Variants in SFXN1 observed in about 807,000 individuals in gnomAD.
SFXN1 encodes sideroflexin-1.
In SFXN1, 32 loss-of-function variants were observed where a neutral mutation model predicts 39.5. The observed-to-expected ratio is 0.81, with a 90% CI of 0.61 to 1.09. The LOEUF is 1.09. Among genes scored for constraint, SFXN1 ranks in the 50% least tolerant of loss-of-function variants. The pLI is 0.00. For synonymous variants in SFXN1, 136 were observed against 146.5 expected (o/e 0.93, Z 0.52); for missense variants, 402 against 407.1 (o/e 0.99, Z 0.11).
rs1208748673 is a variant in SFXN1, at chr5:175,529,521, C to T, written c.*2787C>T. 1.4e-5 allele frequency: 2 copies of T among 147,068 alleles called. No homozygotes were observed. The highest frequency in any genetic ancestry group is 2.4e-5 in the African/African-American group (1 of 40,902). The allele number at this position is 147,068 out of a possible 1,614,324, so 9.1% of individuals were successfully genotyped here. A position where few individuals can be genotyped will look rare whatever the true frequency, so the allele number is the denominator to read the frequency against. ...ATCCTTGCCGATCTTTTAGAAATAC[C>T]TTTTCTGGAGAAAAAAAAATCCACA... On this transcript the variant is annotated 3_prime_UTR_variant, in exon 11 of 11. Coordinates refer to ENST00000321442, the MANE Select transcript of SFXN1 (RefSeq NM_022754.7).
rs141984898 is a variant in SFXN1, at chr5:175,498,084, G to A, written c.164+5817G>A. On this transcript the variant is annotated intron_variant, in intron 2 of 10. Coordinates refer to ENST00000321442, the MANE Select transcript of SFXN1 (RefSeq NM_022754.7). Reference sequence around the variant, plus strand: ...AAAAATCACAAAGTAAAAACAATGAGAAATTAATGAGAAAATTAATTATTA... The same window carrying A: ...AAAAATCACAAAGTAAAAACAATGAAAAATTAATGAGAAAATTAATTATTA... 3.5e-3 allele frequency among the ~76,000 whole-genome samples: 531 copies of A among 151,358 alleles called. 2 individuals carry two copies. The highest frequency in any genetic ancestry group is 5.8e-3 in the Non-Finnish European group (395 of 67,894).
At chr5:175,493,190 C>T (rs267385) in intron 2 of SFXN1, among the ~76,000 whole-genome samples, 132,725 of 152,106 alleles carry the variant, frequency 0.87, 58,303 homozygotes, top group African/African-American at 0.97. Flanking sequence ...GAGGCAGAGC[C>T]GGCAGTGAGC....
chr5:175,524,156 ATATATATATATAT>A (rs1760987059), intron 10 of SFXN1: 1 of 115,950 alleles, frequency 8.6e-6, no homozygotes, highest in Non-Finnish European at 1.7e-5. Flanking sequence ...ATATATATAT[ATATATATATATAT>A]ATCTCCAATA....
rs156371 is a variant in SFXN1, at chr5:175,529,036, G to T, written c.*2302G>T. On this transcript the variant is annotated 3_prime_UTR_variant, in exon 11 of 11. Transcript: ENST00000321442. The stretch of plus-strand genomic sequence containing the variant: ...TTTTACACACTCCGGTTATGTGTGT[G>T]AAAGGTTATAAAAGGAATGGCCGGG... 35,814 of 152,078 alleles carry T rather than the reference G, an allele frequency of 0.24. 5,619 individuals are homozygous for T. Among genetic ancestry groups the T allele is most frequent in the African/African-American group, 0.45 (18,484 of 41,416 alleles). The allele number at this position is 152,078 out of a possible 1,614,324, so 9.4% of individuals were successfully genotyped here. A position where few individuals can be genotyped will look rare whatever the true frequency, so the allele number is the denominator to read the frequency against.
chr5:175,479,344 C>T (rs1759145407), intron 1 of SFXN1, among the ~76,000 whole-genome samples: 1 of 152,140 alleles, frequency 6.6e-6, no homozygotes, highest in African/African-American at 2.4e-5. Flanking sequence ...TGGGTGTTGG[C>T]TCTATAATCC....
In SFXN1 at chr5:175,513,510, T is replaced by TG; in HGVS notation, c.649dup (p.Glu217GlyfsTer89). On this transcript the variant is annotated frameshift_variant, in exon 7 of 11. Coordinates refer to ENST00000321442, the MANE Select transcript of SFXN1 (RefSeq NM_022754.7). LOFTEE classifies it high-confidence loss of function. ...GTCACGGATGAGAATGGGAACCGCT[T>TG]GGGGGAGTCGGCGAACGCTGCGAAA... 1.2e-6 allele frequency: 2 copies of TG among 1,613,790 alleles called. No individual in the cohort carries two copies. The highest frequency in any genetic ancestry group is 1.7e-6 in the Non-Finnish European group (2 of 1,179,906).
At chr5:175,482,079 G>A (rs528637496) in intron 1 of SFXN1, among the ~76,000 whole-genome samples, 7 of 152,304 alleles carry the variant, frequency 4.6e-5, no homozygotes, top group African/African-American at 1.7e-4. Context: ...CTATAAAACA[G>A]GGGAAAAGAT....
intron 1 of SFXN1, among the ~76,000 whole-genome samples, chr5:175,487,791 C>G (rs1171921333): frequency 6.6e-6 from 1 of 152,184 alleles, no homozygotes; most frequent in Non-Finnish European, 1.5e-5. Context: ...CACGCTTACT[C>G]CGTGCAAATC....
At chr5:175,493,283 C>T (rs1379136999) in intron 2 of SFXN1, among the ~76,000 whole-genome samples, 1 of 151,936 alleles carries the variant, frequency 6.6e-6, no homozygotes, top group Non-Finnish European at 1.5e-5. Context: ...ATGTAAAAAC[C>T]ACTCTTACCT....
chr5:175,494,717 A>G (rs1471993942), intron 2 of SFXN1, among the ~76,000 whole-genome samples: 1 of 151,358 alleles, frequency 6.6e-6, no homozygotes, highest in Admixed American at 6.6e-5. Context: ...ATGCCACTGC[A>G]CTCCAGCCTG....
intron 10 of SFXN1, 113 bp downstream of exon 10, chr5:175,522,535 A>T: frequency 3.7e-6 from 4 of 1,081,306 alleles, no homozygotes; most frequent in African/African-American, 1.6e-5. Flanking sequence ...CTCAAAAGAT[A>T]CTGAAGCCAG....
intron 3 of SFXN1, 66 bp from the exon 4 acceptor site, chr5:175,510,043 G>A (rs1315367997): frequency 2.9e-6 from 4 of 1,369,634 alleles, no homozygotes; most frequent in Admixed American, 3.9e-5. Flanking sequence ...TGGTGTTCAC[G>A]TTTTCTGTTC....
At position 175,507,973 on chromosome 5, in the gene SFXN1, T is replaced by TAAAAAAAA. The variant is rs74722265; in HGVS notation, c.165-1047_165-1040dup. On this transcript the variant is annotated intron_variant, in intron 2 of 10. Coordinates refer to ENST00000321442, the MANE Select transcript of SFXN1 (RefSeq NM_022754.7). The stretch of plus-strand genomic sequence containing the variant: ...GGGTGACAGAGTGAGACCCTGTCTT[T>TAAAAAAAA]AAAAAAAAAAAAAAAAAAATTCTTC... 6.4e-4 allele frequency among the ~76,000 whole-genome samples: 80 copies of TAAAAAAAA among 124,332 alleles called. 1 individual carries two copies. The highest frequency in any genetic ancestry group is 2.3e-3 in the African/African-American group (75 of 32,036). The allele number at this position is 124,332 out of a possible 152,430, so 81.6% of individuals were successfully genotyped here. A position where few individuals can be genotyped will look rare whatever the true frequency, so the allele number is the denominator to read the frequency against.
intron 8 of SFXN1, among the ~76,000 whole-genome samples, chr5:175,521,413 C>T (rs911689162): frequency 2.6e-4 from 40 of 152,178 alleles, no homozygotes; most frequent in African/African-American, 8.9e-4. Context: ...ATACTAGGTG[C>T]TTTATGAATG....
intron 1 of SFXN1, among the ~76,000 whole-genome samples, chr5:175,481,414 C>G (rs1048136251): frequency 4.6e-5 from 7 of 152,164 alleles, no homozygotes; most frequent in African/African-American, 1.7e-4. Context: ...CTCTGCCTCC[C>G]GGGTTCAAGT....
At chr5:175,503,218 G>A (rs960148780) in intron 2 of SFXN1, among the ~76,000 whole-genome samples, 8 of 152,038 alleles carry the variant, frequency 5.3e-5, no homozygotes, top group Non-Finnish European at 8.8e-5. Context: ...GACTTTTATG[G>A]TATTTAAATT....
chr5:175,495,850 T>G (rs922682993), intron 2 of SFXN1, among the ~76,000 whole-genome samples: 10 of 151,092 alleles, frequency 6.6e-5, no homozygotes, highest in African/African-American at 2.4e-4. Context: ...CACATAGAAA[T>G]AGTTGTATCT....
chr5:175,508,976 G>A, intron 2 of SFXN1, 56 bp from the exon 3 acceptor site: 1 of 1,517,152 alleles, frequency 6.6e-7, no homozygotes, highest in Non-Finnish European at 8.9e-7. Context: ...TTGTCTCTAG[G>A]ACACTGGGGA....
Position 175,513,469 on chromosome 5 carries a change from C to CA in SFXN1, c.606dup (p.Val203SerfsTer8). On this transcript the variant is annotated frameshift_variant, in exon 7 of 11. Transcript: ENST00000321442. LOFTEE classifies it high-confidence loss of function. ...TATGTGTTTTGCTCTGCAGGGAACT[C>CA]AAAGTTGGCATTCCCGTCACGGATG... 6.2e-7 allele frequency: 1 copy of CA among 1,613,694 alleles called. No individual in the cohort carries two copies. Among genetic ancestry groups the CA allele is most frequent in the East Asian group, 2.2e-5 (1 of 44,842 alleles).
Sources: gnomAD v4.1 joint callset for allele counts (sites outside exome capture counted in the v4.1 genomes callset) on GRCh38, gnomAD v4.1.1 for gene constraint, MANE v1.5 for transcripts, NCBI Gene and HGNC (gene_info 2026-07-23, HGNC 2026-07-21) for gene names.